Variants in MPP7 observed in about 807,000 individuals in gnomAD.
The protein encoded by MPP7 is MAGUK p55 subfamily member 7.
A neutral mutation model predicts 76.5 loss-of-function variants in MPP7; 60 were observed. That is an observed-to-expected ratio of 0.78 (90% CI 0.64 to 0.97). MPP7 has a LOEUF of 0.97. Ranked by LOEUF, MPP7 falls within the 50% of genes least tolerant of loss-of-function variation. The pLI, the probability that MPP7 is intolerant of heterozygous loss-of-function variation, is 0.00. For missense variants in MPP7, 641 were observed against 694.0 expected (o/e 0.92, Z 0.86); for synonymous variants, 237 against 244.5 (o/e 0.97, Z 0.29).
In MPP7 at chr10:28,071,981, G is replaced by A. The variant is rs1020006225; in HGVS notation, c.1124-2129C>T. Among the ~76,000 whole-genome samples, 3 of 152,096 alleles carry A rather than the reference G, an allele frequency of 2.0e-5. No individual in the cohort carries two copies. In the East Asian group the frequency reaches 5.8e-4, roughly 29 times the overall value. ...ACAAATGACCTGAGCTTACCCAAGA[G>A]TAGTATATGGGGCCTGGCGCGGTGG... On this transcript the variant is annotated intron_variant, in intron 12 of 16. Transcript: ENST00000683449.
At chr10:28,200,253 G>C (rs1837726864) in intron 3 of MPP7, among the ~76,000 whole-genome samples, 1 of 152,154 alleles carries the variant, frequency 6.6e-6, no homozygotes, top group African/African-American at 2.4e-5. Context: ...TCAGTCAAAG[G>C]ACACACTTGA....
chr10:28,067,063 G>C (rs534575914), intron 13 of MPP7, among the ~76,000 whole-genome samples: 1 of 152,234 alleles, frequency 6.6e-6, no homozygotes, highest in East Asian at 1.9e-4. Context: ...TGTGCAGTAG[G>C]AGCGGAATTG....
At chr10:28,281,524 G>A (rs1487717902) in intron 1 of MPP7, among the ~76,000 whole-genome samples, 1 of 152,122 alleles carries the variant, frequency 6.6e-6, no homozygotes, top group Admixed American at 6.5e-5. Flanking sequence ...GATTCTATGA[G>A]TAGGAAGAGA....
At chr10:28,123,806 C>T (rs1468410152) in intron 8 of MPP7, among the ~76,000 whole-genome samples, 1 of 151,956 alleles carries the variant, frequency 6.6e-6, no homozygotes, top group African/African-American at 2.4e-5. Context: ...TCATTTAATC[C>T]TCAAAACACT....
At chr10:28,262,225 A>ATTTTTTTTTTTTTTTCTTCAC (rs1839992812) in intron 1 of MPP7, among the ~76,000 whole-genome samples, 1 of 23,638 alleles carries the variant, frequency 4.2e-5, no homozygotes, top group Non-Finnish European at 7.7e-5. Flanking sequence ...ATATATATAT[A>ATTTTTTTTTTTTTTTCTTCAC]CATATATATA....
rs1588801583 is a variant in MPP7, at chr10:28,120,491, T to C, written c.691-101A>G. The C allele has an allele frequency of 2.4e-5, 35 of 1,488,552 alleles. No homozygotes were observed. The East Asian group carries it at 7.8e-4, about 33-fold the overall frequency. 92.2% of individuals were successfully genotyped at this position (1,488,552 alleles called of 1,614,324 possible). On this transcript the variant is annotated intron_variant, in intron 9 of 16. Coordinates refer to ENST00000683449, the MANE Select transcript of MPP7 (RefSeq NM_001318170.2). ...ACTCCAAACATAGTAATTTTAAAAC[T>C]GGAATATTGAAAGAAATGTGTTGTG...
chr10:28,250,831 AC>A (rs1173792171), intron 1 of MPP7, among the ~76,000 whole-genome samples: 1 of 152,212 alleles, frequency 6.6e-6, no homozygotes, highest in Non-Finnish European at 1.5e-5. Context: ...ATGTTACCAC[AC>A]TGCCTAATGA....
At chr10:28,143,138 A>G (rs554653707) in intron 5 of MPP7, among the ~76,000 whole-genome samples, 1 of 152,322 alleles carries the variant, frequency 6.6e-6, no homozygotes, top group South Asian at 2.1e-4. Flanking sequence ...GCATTCTATG[A>G]TCCCACAGAA....
intron 1 of MPP7, among the ~76,000 whole-genome samples, chr10:28,291,512 C>T (rs566512067): frequency 1.3e-5 from 2 of 152,108 alleles, no homozygotes; most frequent in East Asian, 1.9e-4. Context: ...GTCTGAGGCA[C>T]GAGAATCCCT....
chr10:28,131,096 G>A (rs1276689130), intron 6 of MPP7, among the ~76,000 whole-genome samples: 2 of 152,092 alleles, frequency 1.3e-5, no homozygotes, highest in African/African-American at 4.8e-5. Context: ...CACGCCTCCT[G>A]ACCAAATAAG....
At chr10:28,216,604 G>A (rs1838317858) in intron 2 of MPP7, among the ~76,000 whole-genome samples, 1 of 152,108 alleles carries the variant, frequency 6.6e-6, no homozygotes, top group Admixed American at 6.5e-5. Context: ...CCTTTATTGA[G>A]GTAATTAGAA....
rs778846817 is a variant in MPP7, at chr10:28,147,522, G to A, written c.276C>T (p.Ile92=). ...TTGACAGTAGTTTCAACAGCTCTCTGATCTCACTGTTTAATGGCTTGTTCT... is the reference window on the plus strand; with the variant it reads ...TTGACAGTAGTTTCAACAGCTCTCTAATCTCACTGTTTAATGGCTTGTTCT... The part of the protein sequence containing the change: ...ELQNKPLNSE[I]RELLKLLSKP... The change falls in exon 5 of 17, where the codon ATC becomes ATT. Residue 92 remains isoleucine, a synonymous_variant. Coordinates refer to ENST00000683449, the MANE Select transcript of MPP7 (RefSeq NM_001318170.2). The A allele has an allele frequency of 2.5e-6, 4 of 1,614,068 alleles. No homozygotes were observed. Among genetic ancestry groups the A allele is most frequent in the Non-Finnish European group, 3.4e-6 (4 of 1,179,952 alleles).
At chr10:28,067,277 A>C (rs1489494191) in intron 13 of MPP7, among the ~76,000 whole-genome samples, 1 of 152,240 alleles carries the variant, frequency 6.6e-6, no homozygotes, top group Admixed American at 6.5e-5. Context: ...TAAGCAAAGC[A>C]ATCATTTTTC....
intron 6 of MPP7, among the ~76,000 whole-genome samples, chr10:28,131,168 T>A (rs868243058): frequency 7.5e-4 from 114 of 152,304 alleles, no homozygotes; most frequent in African/African-American, 2.6e-3. Context: ...TCTCAAAAGT[T>A]TTGTTGGACC....
chr10:28,250,404 GA>G (rs1035906918), intron 1 of MPP7, among the ~76,000 whole-genome samples: 1 of 151,872 alleles, frequency 6.6e-6, no homozygotes, highest in East Asian at 1.9e-4. Flanking sequence ...TTTTTTAGGG[GA>G]AAAAAAGAAC....
intron 3 of MPP7, among the ~76,000 whole-genome samples, chr10:28,164,288 G>A (rs536341019): frequency 1.3e-5 from 2 of 152,204 alleles, no homozygotes; most frequent in East Asian, 1.9e-4. Flanking sequence ...AGGAGACCCC[G>A]CAGATGCTGG....
At chr10:28,157,509 T>C (rs141749575) in intron 3 of MPP7, among the ~76,000 whole-genome samples, 6 of 152,356 alleles carry the variant, frequency 3.9e-5, no homozygotes, top group African/African-American at 1.2e-4. Flanking sequence ...CCAGCAACCA[T>C]AAACTGGTTG....
chr10:28,292,120 C>G (rs1266903238), intron 1 of MPP7, among the ~76,000 whole-genome samples: 1 of 152,130 alleles, frequency 6.6e-6, no homozygotes, highest in African/African-American at 2.4e-5. Flanking sequence ...GTTCCAGTTG[C>G]CTACAGTATT....
chr10:28,274,451 C>T (rs1840430056), intron 1 of MPP7, among the ~76,000 whole-genome samples: 2 of 152,194 alleles, frequency 1.3e-5, no homozygotes, highest in South Asian at 4.1e-4. Context: ...CTAAACTCTG[C>T]CCATATTCTT....
Sources: gnomAD v4.1 joint callset for allele counts (sites outside exome capture counted in the v4.1 genomes callset) on GRCh38, gnomAD v4.1.1 for gene constraint, MANE v1.5 for transcripts, NCBI Gene and HGNC (gene_info 2026-07-23, HGNC 2026-07-21) for gene names.